Variants in P2RX3 observed in about 807,000 individuals in gnomAD.
P2RX3 encodes P2X purinoceptor 3.
In P2RX3, 41 loss-of-function variants were observed where a neutral mutation model predicts 51.5. The observed-to-expected ratio is 0.80, with a 90% CI of 0.62 to 1.03. P2RX3 has a LOEUF of 1.03. Ranked by LOEUF, P2RX3 falls within the 50% of genes least tolerant of loss-of-function variation. The pLI is 0.00. For missense variants in P2RX3, 459 were observed against 522.1 expected (o/e 0.88, Z 1.18); for synonymous variants, 185 against 191.6 (o/e 0.97, Z 0.29).
chr11:57,367,106 G>GGGTT (rs1480432914), intron 8 of P2RX3, among the ~76,000 whole-genome samples: 1 of 151,612 alleles, frequency 6.6e-6, no homozygotes, highest in African/African-American at 2.4e-5. Flanking sequence ...CAACAACAAT[G>GGGTT]GGTTTCCTGA....
chr11:57,355,858 G>A (rs1178191099), intron 8 of P2RX3, among the ~76,000 whole-genome samples: 1 of 152,052 alleles, frequency 6.6e-6, no homozygotes, highest in African/African-American at 2.4e-5. Context: ...CCAAGACTTT[G>A]AGGCCCTCTA....
chr11:57,367,548 C>G (rs1193328510), intron 8 of P2RX3, among the ~76,000 whole-genome samples: 2 of 152,182 alleles, frequency 1.3e-5, no homozygotes, highest in Non-Finnish European at 2.9e-5. Flanking sequence ...TGGTGAAACC[C>G]TGTCTCTACT....
intron 8 of P2RX3, among the ~76,000 whole-genome samples, chr11:57,357,286 C>G (rs1029663657): frequency 1.3e-5 from 2 of 152,164 alleles, no homozygotes; most frequent in Non-Finnish European, 2.9e-5. Context: ...CACCACTGCA[C>G]TCCAGCCTGG....
Position 57,347,104 on chromosome 11 carries a change from TCTC to T in P2RX3, c.256-7_256-5del, listed in dbSNP as rs1565063755. 4 of 1,612,772 alleles carry T rather than the reference TCTC, an allele frequency of 2.5e-6. No individual in the cohort carries two copies. The South Asian group carries it at 3.3e-5, about 13-fold the overall frequency. ...TGTTGGATGTTTTTCTCTCCCTTCTTCTCCTCCCAAGGGCACCTCGGTCTTTGT... is the reference window on the plus strand; with the variant it reads ...TGTTGGATGTTTTTCTCTCCCTTCTTCTCCCAAGGGCACCTCGGTCTTTGT... On this transcript the variant is annotated splice_polypyrimidine_tract_variant and intron_variant, in intron 2 of 11. Transcript: ENST00000263314.
chr11:57,338,035 A>T (rs953959493), upstream of P2RX3, among the ~76,000 whole-genome samples: 3 of 152,192 alleles, frequency 2.0e-5, no homozygotes, highest in Non-Finnish European at 4.4e-5. Context: ...ACGGCGCAGA[A>T]CTGGGTGGAA....
chr11:57,353,830 A>C (rs1856585022), intron 8 of P2RX3, among the ~76,000 whole-genome samples: 2 of 68,076 alleles, frequency 2.9e-5, no homozygotes, highest in African/African-American at 7.9e-5. Flanking sequence ...TCCCTTCCAA[A>C]TGTCACTCCC....
intron 8 of P2RX3, among the ~76,000 whole-genome samples, chr11:57,365,534 A>G (rs78880876): frequency 0.093 from 14,173 of 152,288 alleles, 886 homozygotes; most frequent in Non-Finnish European, 0.14. Context: ...AGAGCTGGGC[A>G]CAGAAGGGAC....
intron 8 of P2RX3, among the ~76,000 whole-genome samples, chr11:57,366,749 C>A (rs1430256276): frequency 6.6e-6 from 1 of 152,152 alleles, no homozygotes; most frequent in African/African-American, 2.4e-5. Context: ...CTGGTGGGGA[C>A]TGCAGTCTCG....
chr11:57,350,628 TTCTCCCTGCCTCCG>T, intron 7 of P2RX3, 120 bp from the exon 8 acceptor site: 1 of 1,254,580 alleles, frequency 8.0e-7, no homozygotes, highest in East Asian at 2.5e-5. Flanking sequence ...TCACTTTCCG[TTCTCCCTGCCTCCG>T]TCTCCCACCT....
Position 57,349,909 on chromosome 11 carries a change from A to G in P2RX3, c.705+11A>G. On this transcript the variant is annotated intron_variant, in intron 7 of 11. Coordinates refer to ENST00000263314, the MANE Select transcript of P2RX3 (RefSeq NM_002559.5). ...AAACTGGCGCGCACGGTGAGGACCT[A>G]GCCATTCTTCCGCGACCCCAAACTC... The G allele has an allele frequency of 6.2e-7, 1 of 1,614,004 alleles. No homozygotes were observed. Among genetic ancestry groups the G allele is most frequent in the Non-Finnish European group, 8.5e-7 (1 of 1,179,864 alleles).
Position 57,350,639 on chromosome 11 carries a change from TC to T in P2RX3, c.706-121del, listed in dbSNP as rs560828900. ...CATGTCACTTTCCGTTCTCCCTGCC[TC>T]CGTCTCCCACCTGGAGGATGGGAGG... On this transcript the variant is annotated intron_variant, in intron 7 of 11. Transcript: ENST00000263314. The T allele has an allele frequency of 4.6e-5, 63 of 1,359,338 alleles. 1 individual carries two copies. The South Asian group carries it at 8.3e-4, about 18-fold the overall frequency. 84.2% of individuals were successfully genotyped at this position (1,359,338 alleles called of 1,614,324 possible). A position where few individuals can be genotyped will look rare whatever the true frequency, so the allele number is the denominator to read the frequency against.
At chr11:57,361,258 C>T (rs1222582247) in intron 8 of P2RX3, among the ~76,000 whole-genome samples, 1 of 152,130 alleles carries the variant, frequency 6.6e-6, no homozygotes, top group Non-Finnish European at 1.5e-5. Flanking sequence ...TTTAACTCTC[C>T]ATCCTTCAAG....
At position 57,338,683 on chromosome 11, in the gene P2RX3, C is replaced by A. The variant is rs778651840; in HGVS notation, c.119+14C>A. The A allele has an allele frequency of 6.4e-7, 1 of 1,552,748 alleles. No individual in the cohort carries two copies. The highest frequency in any genetic ancestry group is 8.8e-7 in the Non-Finnish European group (1 of 1,130,946). Reference sequence around the variant, plus strand: ...CTACTTTGTAGGGTGAGTCTGTGGCCTTTCAGGTTCCTGGCGGGGTGGGCT... The same window carrying A: ...CTACTTTGTAGGGTGAGTCTGTGGCATTTCAGGTTCCTGGCGGGGTGGGCT... On this transcript the variant is annotated intron_variant, in intron 1 of 11. Transcript: ENST00000263314.
chr11:57,347,263 G>T, intron 3 of P2RX3, 76 bp downstream of exon 3: 2 of 1,535,524 alleles, frequency 1.3e-6, no homozygotes, highest in South Asian at 1.1e-5. Flanking sequence ...GTGGCAGGGA[G>T]GTATGAGCAG....
Position 57,347,207 on chromosome 11 carries a change from T to A in P2RX3, c.327+20T>A. The A allele has an allele frequency of 6.2e-7, 1 of 1,611,450 alleles. No homozygotes were observed. Among genetic ancestry groups the A allele is most frequent in the South Asian group, 1.1e-5 (1 of 90,548 alleles). ...CCAGAGGTGAGGGGAGGACAGAGGTTGGGTGAAGCAGGTCAAGGCTGAAAA... is the reference window on the plus strand; with the variant it reads ...CCAGAGGTGAGGGGAGGACAGAGGTAGGGTGAAGCAGGTCAAGGCTGAAAA... On this transcript the variant is annotated intron_variant, in intron 3 of 11. Coordinates refer to ENST00000263314, the MANE Select transcript of P2RX3 (RefSeq NM_002559.5).
At chr11:57,369,736 C>G in intron 11 of P2RX3, 148 bp from the exon 12 acceptor site, 1 of 671,822 alleles carries the variant, frequency 1.5e-6, no homozygotes, top group Non-Finnish European at 2.7e-6. Flanking sequence ...CCTCGGGGTA[C>G]ATGGGAGGGG....
chr11:57,346,565 G>T lies in P2RX3; in HGVS notation c.141G>T (p.Lys47Asn). The T allele has an allele frequency of 6.2e-7, 1 of 1,614,126 alleles. No individual in the cohort carries two copies. The highest frequency in any genetic ancestry group is 1.7e-5 in the Admixed American group (1 of 60,024). Residue 47 changes from lysine (K) to asparagine (N), a missense_variant, in exon 2 of 12, where the codon AAG (lysine) becomes AAT (asparagine). By Grantham distance (94) the Lys-to-Asn change is moderately conservative. Transcript: ENST00000263314. ...YFVGWVFLHE[K>N]AYQVRDTAIE... ...CCAGGTGGGTTTTCTTGCACGAGAAGGCTTACCAGGTACGGGACACAGCCA... is the reference window on the plus strand; with the variant it reads ...CCAGGTGGGTTTTCTTGCACGAGAATGCTTACCAGGTACGGGACACAGCCA...
chr11:57,338,543 C>G lies in P2RX3; in HGVS notation c.-8C>G. 1 of 1,576,492 alleles carries G rather than the reference C, an allele frequency of 6.3e-7. No homozygotes were observed. The highest frequency in any genetic ancestry group is 8.7e-7 in the Non-Finnish European group (1 of 1,149,610). ...CCCTTCTGAGTGTCCCCTGAGCACT[C>G]TCTCAGCATGAACTGCATATCCGAC... On this transcript the variant is annotated 5_prime_UTR_variant, in exon 1 of 12. Transcript: ENST00000263314.
At chr11:57,368,180 C>G in intron 9 of P2RX3, 78 bp downstream of exon 9, 1 of 1,476,152 alleles carries the variant, frequency 6.8e-7, no homozygotes, top group Non-Finnish European at 9.5e-7. Flanking sequence ...AAAAGCTCCT[C>G]TGGGGGGCAG....
Sources: gnomAD v4.1 joint callset for allele counts (sites outside exome capture counted in the v4.1 genomes callset) on GRCh38, gnomAD v4.1.1 for gene constraint, MANE v1.5 for transcripts, NCBI Gene and HGNC (gene_info 2026-07-23, HGNC 2026-07-21) for gene names.